MYO9B: variants seen among roughly 807,000 people sequenced by gnomAD.
The protein encoded by MYO9B is unconventional myosin-IXb.
Under a neutral mutation model 229.5 loss-of-function variants are expected in MYO9B, and 71 were observed. The ratio of observed to expected loss-of-function variants is 0.31; its 90% CI spans 0.26 to 0.38. The LOEUF is 0.38. Among genes scored for constraint, MYO9B ranks in the 10% least tolerant of loss-of-function variants. The pLI is 1.00. For missense variants in MYO9B, 2,255 were observed against 2,920.5 expected (o/e 0.77, Z 5.25); for synonymous variants, 1,185 against 1,235.8 (o/e 0.96, Z 0.86).
rs965137821 is a variant in MYO9B, at chr19:17,126,262, C to T, written c.841-19135C>T. Among the ~76,000 whole-genome samples, 39 of 152,306 alleles carry T rather than the reference C, an allele frequency of 2.6e-4. 1 individual carries two copies. The highest frequency in any genetic ancestry group is 7.2e-4 in the African/African-American group (30 of 41,570). On this transcript the variant is annotated intron_variant, in intron 2 of 39. Coordinates refer to ENST00000682292, the MANE Select transcript of MYO9B (RefSeq NM_004145.4). ...CACCCAGCCCTCCTTGGGCACGTGA[C>T]CCTGTGGACCCATTTTGTCCTGGGT... is the stretch of plus-strand genomic sequence containing the variant.
At chr19:17,135,927 A>T (rs11086054) in intron 2 of MYO9B, among the ~76,000 whole-genome samples, 40,796 of 151,878 alleles carry the variant, frequency 0.27, 5,703 homozygotes, top group East Asian at 0.4. Flanking sequence ...GCCACAGACC[A>T]GGCTTTACAC....
intron 2 of MYO9B, among the ~76,000 whole-genome samples, chr19:17,144,969 C>CAA (rs58527501): frequency 1.2e-3 from 97 of 83,210 alleles, no homozygotes; most frequent in Non-Finnish European, 1.5e-3. Flanking sequence ...GACTTCATCT[C>CAA]AAAAAAAAAA....
chr19:17,202,417 C>A, intron 28 of MYO9B, 114 bp downstream of exon 28: 1 of 1,050,768 alleles, frequency 9.5e-7, no homozygotes, highest in Non-Finnish European at 1.4e-6. Flanking sequence ...CCCACCCATG[C>A]CCTGCCCATA....
intron 2 of MYO9B, among the ~76,000 whole-genome samples, chr19:17,127,168 C>T (rs551668905): frequency 2.7e-5 from 4 of 147,462 alleles, no homozygotes; most frequent in South Asian, 2.2e-4. Flanking sequence ...CACACCACCA[C>T]GCCCGGCTAA....
chr19:17,200,383 G>A lies in MYO9B; in HGVS notation c.4329G>A (p.Gly1443=), dbSNP rs747425989. 2.5e-6 allele frequency: 4 copies of A among 1,600,750 alleles called. No individual in the cohort carries two copies. In the South Asian group the frequency reaches 4.5e-5, roughly 18 times the overall value. The change falls in exon 25 of 40, where the codon GGG becomes GGA. Residue 1443 remains glycine, a synonymous_variant. Coordinates refer to ENST00000682292, the MANE Select transcript of MYO9B (RefSeq NM_004145.4). The stretch of plus-strand genomic sequence containing the variant: ...AGGAGCTGGAGAATGCAGTGTCCGG[G>A]CACGTGGTGCTGGAAGCCACCACCA... ...GAEELENAVS[G]HVVLEATTMK...
chr19:17,141,342 G>A lies in MYO9B; in HGVS notation c.841-4055G>A, dbSNP rs181778654. 3.1e-3 allele frequency among the ~76,000 whole-genome samples: 466 copies of A among 152,216 alleles called. 1 individual carries two copies. The highest frequency in any genetic ancestry group is 0.011 in the African/African-American group (437 of 41,524). Reference sequence around the variant, plus strand: ...CCTCGCTCTCTCCTATCCCCTGGGTGGCCCAGCCTCTCAAATGGGAGCATC... The same window carrying A: ...CCTCGCTCTCTCCTATCCCCTGGGTAGCCCAGCCTCTCAAATGGGAGCATC... On this transcript the variant is annotated intron_variant, in intron 2 of 39. Coordinates refer to ENST00000682292, the MANE Select transcript of MYO9B (RefSeq NM_004145.4).
rs527686103 is a variant in MYO9B, at chr19:17,114,848, C to T, written c.840+12291C>T. Among the ~76,000 whole-genome samples, 6 of 151,834 alleles carry T rather than the reference C, an allele frequency of 4.0e-5. No individual in the cohort carries two copies. In the East Asian group the frequency reaches 1.2e-3, roughly 29 times the overall value. On this transcript the variant is annotated intron_variant, in intron 2 of 39. Coordinates refer to ENST00000682292, the MANE Select transcript of MYO9B (RefSeq NM_004145.4). Reference sequence around the variant, plus strand: ...AACCACTGCCGGGAAACAGGATCAGCGGCCAGAGATTCCCCACTTTGGCAG... The same window carrying T: ...AACCACTGCCGGGAAACAGGATCAGTGGCCAGAGATTCCCCACTTTGGCAG...
intron 2 of MYO9B, among the ~76,000 whole-genome samples, chr19:17,127,251 C>T (rs1436983325): frequency 7.2e-6 from 1 of 139,216 alleles, no homozygotes; most frequent in Middle Eastern, 5.4e-3. Flanking sequence ...TGACCCACCC[C>T]CCTCGGCCTT....
intron 21 of MYO9B, among the ~76,000 whole-genome samples, chr19:17,194,152 A>G (rs1205682029): frequency 2.0e-5 from 3 of 150,422 alleles, no homozygotes; most frequent in African/African-American, 7.3e-5. Context: ...AGCCTGGACA[A>G]CAGAGCGAGA....
intron 2 of MYO9B, among the ~76,000 whole-genome samples, chr19:17,106,260 T>C (rs2057792259): frequency 6.6e-6 from 1 of 152,328 alleles, no homozygotes; most frequent in African/African-American, 2.4e-5. Context: ...CTGTTTTTAA[T>C]ATGGCTTGTC....
intron 2 of MYO9B, among the ~76,000 whole-genome samples, chr19:17,135,245 A>G (rs2072254239): frequency 6.6e-6 from 1 of 151,134 alleles, no homozygotes. Context: ...TATATTAGAA[A>G]CATGTTTTTT....
intron 10 of MYO9B, among the ~76,000 whole-genome samples, chr19:17,165,694 G>A (rs1007444177): frequency 6.6e-6 from 1 of 152,040 alleles, no homozygotes; most frequent in African/African-American, 2.4e-5. Flanking sequence ...TGGATCACTC[G>A]AGCCCAGGAG....
Position 17,139,670 on chromosome 19 carries a change from T to C in MYO9B, c.841-5727T>C, listed in dbSNP as rs189746793. On this transcript the variant is annotated intron_variant, in intron 2 of 39. Coordinates refer to ENST00000682292, the MANE Select transcript of MYO9B (RefSeq NM_004145.4). ...GGAGGATCACCTTGAGCTCTGGAGG[T>C]TGAGGCTGCAGTGAGCCATGATCAT... Among the ~76,000 whole-genome samples the C allele has an allele frequency of 3.2e-3, 485 of 151,862 alleles. 3 individuals are homozygous for C. Among genetic ancestry groups the C allele is most frequent in the African/African-American group, 0.011 (436 of 41,432 alleles).
intron 18 of MYO9B, 86 bp from the exon 19 acceptor site, chr19:17,187,849 A>T: frequency 1.8e-6 from 2 of 1,140,548 alleles, no homozygotes; most frequent in East Asian, 2.7e-5. Flanking sequence ...CCCTCATCTC[A>T]CAGTTCCCAG....
chr19:17,114,598 C>T (rs555933566), intron 2 of MYO9B, among the ~76,000 whole-genome samples: 106 of 152,288 alleles, frequency 7.0e-4, no homozygotes, highest in Non-Finnish European at 1.1e-3. Context: ...TTTAGGACTT[C>T]CGCCTGCACT....
chr19:17,196,790 G>T (rs906832341), intron 22 of MYO9B, among the ~76,000 whole-genome samples: 11 of 151,928 alleles, frequency 7.2e-5, no homozygotes, highest in Non-Finnish European at 1.3e-4. Context: ...AGGGATGGAA[G>T]ATAGGTAGAG....
chr19:17,191,122 T>C lies in MYO9B; in HGVS notation c.2714T>C (p.Leu905Pro). Reference sequence around the variant, plus strand: ...GATTTCACCGAGCAGTTCCAGGTGCTCCTGCCCAAGGATGCCCAGCCCTGC... The same window carrying C: ...GATTTCACCGAGCAGTTCCAGGTGCCCCTGCCCAAGGATGCCCAGCCCTGC... ...FQDFTEQFQV[L>P]LPKDAQPCRE... Residue 905 changes from leucine (L) to proline (P), a missense_variant, in exon 20 of 40, where the codon CTC becomes CCC. Physicochemically the swap from Leu to Pro is moderately conservative, Grantham distance 98 (BLOSUM62 -3). Coordinates refer to ENST00000682292, the MANE Select transcript of MYO9B (RefSeq NM_004145.4). 2 of 1,612,888 alleles carry C rather than the reference T, an allele frequency of 1.2e-6. No individual in the cohort carries two copies. The highest frequency in any genetic ancestry group is 1.7e-6 in the Non-Finnish European group (2 of 1,179,402).
intron 16 of MYO9B, 114 bp downstream of exon 16, chr19:17,183,982 C>G: frequency 1.9e-6 from 2 of 1,051,550 alleles, no homozygotes; most frequent in Admixed American, 2.7e-5. Flanking sequence ...ACTATCTCCC[C>G]CTCCCTCCAA....
At chr19:17,167,862 C>T (rs924758415) in intron 10 of MYO9B, 81 bp from the exon 11 acceptor site, 57 of 1,498,080 alleles carry the variant, frequency 3.8e-5, no homozygotes, top group African/African-American at 8.4e-5. Context: ...TAGGGATACT[C>T]GACCTGTATG....
Sources: gnomAD v4.1 joint callset for allele counts (sites outside exome capture counted in the v4.1 genomes callset) on GRCh38, gnomAD v4.1.1 for gene constraint, MANE v1.5 for transcripts, NCBI Gene and HGNC (gene_info 2026-07-23, HGNC 2026-07-21) for gene names.